DPP9: variants seen among roughly 807,000 people sequenced by gnomAD.
DPP9 encodes dipeptidyl peptidase 9.
A neutral mutation model predicts 110.7 loss-of-function variants in DPP9; 50 were observed. That is an observed-to-expected ratio of 0.45 (90% CI 0.36 to 0.57). The LOEUF (loss-of-function observed/expected upper bound fraction) is 0.57. DPP9 is among the 20% of genes least tolerant of loss of function. DPP9 has a pLI of 0.00. For synonymous variants in DPP9, 561 were observed against 514.4 expected (o/e 1.09, Z -1.23); for missense variants, 1,022 against 1,217.9 (o/e 0.84, Z 2.39).
At chr19:4,714,045 T>C in intron 4 of DPP9, 36 bp downstream of exon 4, 2 of 1,575,202 alleles carry the variant, frequency 1.3e-6, no homozygotes, top group Non-Finnish European at 1.7e-6. Context: ...TCCCAGATGC[T>C]GTCCCCGCCC....
At chr19:4,703,128 C>G (rs1251957412) in intron 7 of DPP9, among the ~76,000 whole-genome samples, 1 of 152,068 alleles carries the variant, frequency 6.6e-6, no homozygotes, top group Admixed American at 6.5e-5. Flanking sequence ...CGATCAGTGA[C>G]TTGAAACCAA....
chr19:4,712,077 A>T (rs1054406156), intron 4 of DPP9, among the ~76,000 whole-genome samples: 2 of 152,126 alleles, frequency 1.3e-5, no homozygotes, highest in Non-Finnish European at 2.9e-5. Context: ...CAGGACAGCA[A>T]CCCCAACGGG....
In DPP9 at chr19:4,679,809, G is replaced by C. The variant is rs557604012; in HGVS notation, c.2586+26C>G. The C allele has an allele frequency of 4.8e-5, 74 of 1,547,484 alleles. No homozygotes were observed. The South Asian group carries it at 8.2e-4, about 17-fold the overall frequency. On this transcript the variant is annotated intron_variant, in intron 21 of 21. Coordinates refer to ENST00000262960, the MANE Select transcript of DPP9 (RefSeq NM_139159.5). ...CCAGGGATCTGTCGGCTCGCGGAGG[G>C]GCCGAAGCCCCCAACAGCCACCCAC...
At position 4,694,573 on chromosome 19, in the gene DPP9, G is replaced by T; in HGVS notation, c.1516+88C>A. On this transcript the variant is annotated intron_variant, in intron 13 of 21. Transcript: ENST00000262960. The surrounding 1 kb of genome is among the most constrained non-coding windows in gnomAD (Gnocchi z 4.0). ...TTCTCCCGCAGGGTGTGCTGGCTGA[G>T]TGGGGGGGCCGACCAATGAACAAAC... 1 of 1,491,130 alleles carries T rather than the reference G, an allele frequency of 6.7e-7. No homozygotes were observed. The highest frequency in any genetic ancestry group is 1.4e-5 in the African/African-American group (1 of 71,020). 92.4% of individuals were successfully genotyped at this position (1,491,130 alleles called of 1,614,324 possible).
Position 4,714,069 on chromosome 19 carries a change from G to A in DPP9, c.313+12C>T, listed in dbSNP as rs2092962516. ...CTGTCCCCGCCCAAGCAGCCTGCAGGGCCCGGCTTACCCAGGTAGTAGAGG... is the reference window on the plus strand; with the variant it reads ...CTGTCCCCGCCCAAGCAGCCTGCAGAGCCCGGCTTACCCAGGTAGTAGAGG... On this transcript the variant is annotated intron_variant, in intron 4 of 21. Transcript: ENST00000262960. The A allele has an allele frequency of 3.1e-6, 5 of 1,603,936 alleles. No individual in the cohort carries two copies. In the South Asian group the frequency reaches 4.4e-5, roughly 14 times the overall value.
intron 18 of DPP9, 37 bp from the exon 19 acceptor site, chr19:4,683,666 T>A: frequency 6.2e-7 from 1 of 1,613,012 alleles, no homozygotes; most frequent in Non-Finnish European, 8.5e-7. Flanking sequence ...AGTGGCCTCC[T>A]CCCGGTATGT....
intron 21 of DPP9, among the ~76,000 whole-genome samples, chr19:4,677,930 C>T (rs2089122809): frequency 6.6e-6 from 1 of 152,178 alleles, no homozygotes; most frequent in Non-Finnish European, 1.5e-5. Flanking sequence ...CCGCCAGCTG[C>T]CTGGCCCAGA....
intron 13 of DPP9, among the ~76,000 whole-genome samples, chr19:4,692,739 CAG>C (rs2091436895): frequency 6.6e-6 from 1 of 152,182 alleles, no homozygotes; most frequent in South Asian, 2.1e-4. Flanking sequence ...CATTTTCCCA[CAG>C]GGGGCAAAAT....
At chr19:4,721,862 T>C (rs2093338938) in intron 2 of DPP9, among the ~76,000 whole-genome samples, 1 of 151,998 alleles carries the variant, frequency 6.6e-6, no homozygotes, top group Non-Finnish European at 1.5e-5. Flanking sequence ...CCACGAAAAA[T>C]CACTGGCCAT....
rs1489616636 is a variant in DPP9 at position 4,693,927 on chromosome 19, G to A, written c.1516+734C>T. On this transcript the variant is annotated intron_variant, in intron 13 of 21. Transcript: ENST00000262960. This position sits in a 1 kb window ranked among gnomAD's most constrained non-coding sequence, Gnocchi z 5.0. ...TGCCTGCCCCAGGGCCTTTGTACGG[G>A]CTGTGGCTCTGCCCAGAGCCGTGGT... Among the ~76,000 whole-genome samples, 1 of 151,980 alleles carries A rather than the reference G, an allele frequency of 6.6e-6. No homozygotes were observed. The highest frequency in any genetic ancestry group is 2.4e-5 in the African/African-American group (1 of 41,386).
At chr19:4,716,798 G>C (rs1196324726) in intron 3 of DPP9, among the ~76,000 whole-genome samples, 5 of 152,174 alleles carry the variant, frequency 3.3e-5, no homozygotes, top group Admixed American at 2.6e-4. Flanking sequence ...ATGAGCAAAA[G>C]GGGTTCAGTG....
intron 16 of DPP9, 180 bp downstream of exon 16, chr19:4,688,577 G>A (rs899109954): frequency 1.9e-5 from 15 of 776,580 alleles, no homozygotes; most frequent in African/African-American, 7.3e-5. Context: ...CGTCTCGGAC[G>A]GCAGGGGCTG....
intron 13 of DPP9, among the ~76,000 whole-genome samples, chr19:4,692,257 A>G (rs2091397103): frequency 6.6e-6 from 1 of 152,120 alleles, no homozygotes; most frequent in Non-Finnish European, 1.5e-5. Context: ...GGGGTGCATC[A>G]TGGCACACAG....
At chr19:4,719,709 G>T in intron 3 of DPP9, 142 bp downstream of exon 3, 2 of 995,388 alleles carry the variant, frequency 2.0e-6, no homozygotes, top group Non-Finnish European at 3.0e-6. Flanking sequence ...CTCCTCGCTT[G>T]AAATAACCAG....
chr19:4,701,231 G>A (rs2092232858), intron 9 of DPP9, among the ~76,000 whole-genome samples: 1 of 152,198 alleles, frequency 6.6e-6, no homozygotes, highest in African/African-American at 2.4e-5. Context: ...ATTTTGGGAG[G>A]CCGAGGCGAG....
intron 14 of DPP9, 53 bp downstream of exon 14, chr19:4,690,825 G>A: frequency 1.4e-6 from 2 of 1,405,420 alleles, no homozygotes; most frequent in Non-Finnish European, 2.0e-6. Context: ...GAGTGTATGT[G>A]TGTAAAACAC....
At chr19:4,720,037 G>A in intron 2 of DPP9, 96 bp from the exon 3 acceptor site, 2 of 1,039,078 alleles carry the variant, frequency 1.9e-6, no homozygotes, top group Non-Finnish European at 2.8e-6. Flanking sequence ...ATTGCTCCAG[G>A]CAGCCCCCCA....
At position 4,676,512 on chromosome 19, in the gene DPP9, G is replaced by A; in HGVS notation, c.*52C>T. On this transcript the variant is annotated 3_prime_UTR_variant, in exon 22 of 22. Transcript: ENST00000262960. This position sits in a 1 kb window ranked among gnomAD's most constrained non-coding sequence, Gnocchi z 4.0. Reference sequence around the variant, plus strand: ...CTCAGTCCCTCCCGCCTGGTTCCCCGCGGAGGCTGCAGCCACTTGTGCTGT... The same window carrying A: ...CTCAGTCCCTCCCGCCTGGTTCCCCACGGAGGCTGCAGCCACTTGTGCTGT... The A allele has an allele frequency of 2.7e-6, 4 of 1,490,430 alleles. No individual in the cohort carries two copies. The highest frequency in any genetic ancestry group is 3.7e-6 in the Non-Finnish European group (4 of 1,089,186). The allele number at this position is 1,490,430 out of a possible 1,614,324, so 92.3% of individuals were successfully genotyped here. A position where few individuals can be genotyped will look rare whatever the true frequency, so the allele number is the denominator to read the frequency against.
chr19:4,722,713 C>G, intron 1 of DPP9, 162 bp from the exon 2 acceptor site: 1 of 608,466 alleles, frequency 1.6e-6, no homozygotes, highest in Non-Finnish European at 3.0e-6. Context: ...ATGCCCTGGA[C>G]AGAATCTGGG....
Sources: gnomAD v4.1 joint callset for allele counts (sites outside exome capture counted in the v4.1 genomes callset) on GRCh38, gnomAD v4.1.1 for gene constraint, Gnocchi (gnomAD v3.1) non-coding constraint, MANE v1.5 for transcripts, NCBI Gene and HGNC (gene_info 2026-07-23, HGNC 2026-07-21) for gene names.